The following TXNRD1 variants were observed in gnomAD, a reference collection of about 807,000 sequenced individuals.
The protein encoded by TXNRD1 is thioredoxin reductase 1.
TXNRD1 carries 57 observed loss-of-function variants against 80.3 expected under a neutral mutation model. That is an observed-to-expected ratio of 0.71 (90% CI 0.57 to 0.89). TXNRD1 has a LOEUF of 0.89. Ranked by LOEUF, TXNRD1 falls within the 40% of genes least tolerant of loss-of-function variation. The pLI, the probability that TXNRD1 is intolerant of heterozygous loss-of-function variation, is 0.00. For missense variants in TXNRD1, 730 were observed against 803.0 expected, an observed-to-expected ratio of 0.91 and a Z score of 1.10; for synonymous variants, 291 against 285.2, an observed-to-expected ratio of 1.02 and a Z score of -0.20.
chr12:104,313,426 G>A, intron 6 of TXNRD1, 109 bp downstream of exon 6: 1 of 771,020 alleles, frequency 1.3e-6, no homozygotes, highest in Non-Finnish European at 2.0e-6. Context: ...CTAAGTTAAA[G>A]AAAAAACAGC....
intron 3 of TXNRD1, chr12:104,288,706 A>G (rs1593756139): frequency 9.3e-6 from 13 of 1,395,130 alleles, no homozygotes; most frequent in Middle Eastern, 2.0e-4. Flanking sequence ...CCTTGAGGCC[A>G]TGTTTTCAGC....
chr12:104,338,697 C>CA lies in TXNRD1; in HGVS notation c.1747-428dup, dbSNP rs879386846. ...GGGCAAGAAGAGCAATACTCCATCT[C>CA]AAAAAAAAAAAAAAGTCTCTGGTCA... On this transcript the variant is annotated intron_variant, in intron 15 of 16. Transcript: ENST00000525566. Among the ~76,000 whole-genome samples the CA allele has an allele frequency of 2.2e-3, 284 of 129,766 alleles. 1 individual carries two copies. Among genetic ancestry groups the CA allele is most frequent in the South Asian group, 4.5e-3 (17 of 3,778 alleles). 85.1% of individuals were successfully genotyped at this position (129,766 alleles called of 152,430 possible). A position where few individuals can be genotyped will look rare whatever the true frequency, so the allele number is the denominator to read the frequency against.
chr12:104,333,111 C>T (rs1240472520), intron 14 of TXNRD1, among the ~76,000 whole-genome samples: 1 of 151,940 alleles, frequency 6.6e-6, no homozygotes, highest in Non-Finnish European at 1.5e-5. Flanking sequence ...GGGTGCTATA[C>T]TGTAATTTGT....
At position 104,334,256 on chromosome 12, in the gene TXNRD1, G is replaced by A; in HGVS notation, c.1670G>A (p.Trp557Ter). ...ENIEVYHSYF[W>*]PLEWTIPSRD... ...TCTTAGGTTTACCATAGTTACTTTT[G>A]GCCATTGGAATGGACGATTCCGTCA... is the stretch of plus-strand genomic sequence containing the variant. The change falls in exon 15 of 17, where the codon TGG (tryptophan) becomes TAG (stop). Residue 557 changes from tryptophan (W) to a stop codon, truncating the protein, a stop_gained. Transcript: ENST00000525566. LOFTEE classifies it high-confidence loss of function. The A allele has an allele frequency of 6.6e-7, 1 of 1,525,066 alleles. No homozygotes were observed. Among genetic ancestry groups the A allele is most frequent in the Non-Finnish European group, 8.8e-7 (1 of 1,133,336 alleles). 94.5% of individuals were successfully genotyped at this position (1,525,066 alleles called of 1,614,324 possible).
At chr12:104,302,099 A>T (rs907980847) in intron 4 of TXNRD1, among the ~76,000 whole-genome samples, 3 of 152,224 alleles carry the variant, frequency 2.0e-5, no homozygotes, top group African/African-American at 7.2e-5. Context: ...ACAATCTAAT[A>T]GGGTAGGATC....
At chr12:104,274,254 C>T (rs1160947836) in intron 3 of TXNRD1, among the ~76,000 whole-genome samples, 1 of 152,234 alleles carries the variant, frequency 6.6e-6, no homozygotes, top group Non-Finnish European at 1.5e-5. Context: ...CCTTCAGGCC[C>T]AGCTCCATGA....
rs2035517690 is a variant in TXNRD1, at chr12:104,321,208, G to A, written c.1107G>A (p.Met369Ile). Residue 369 changes from methionine (M) to isoleucine (I), a missense_variant, in exon 10 of 17, where the codon ATG becomes ATA. Met to Ile is a conservative substitution (Grantham distance 10). Transcript: ENST00000525566. ...GTATTGGTTTAGACGTCACTGTTAT[G>A]GTTAGGTCCATTCTTCTTAGAGGAT... ...LAGIGLDVTVMVRSILLRGFD... is the reference protein window; with the variant it reads ...LAGIGLDVTVIVRSILLRGFD... 1 of 1,613,628 alleles carries A rather than the reference G, an allele frequency of 6.2e-7. No homozygotes were observed. Among genetic ancestry groups the A allele is most frequent in the East Asian group, 2.2e-5 (1 of 44,890 alleles).
At position 104,348,471 on chromosome 12, in the gene TXNRD1, C is replaced by T. The variant is rs372958394; in HGVS notation, c.*50C>T. 963 of 1,593,756 alleles carry T rather than the reference C, an allele frequency of 6.0e-4. 6 individuals are homozygous for T. Among genetic ancestry groups the T allele is most frequent in the Admixed American group, 1.0e-3 (61 of 59,782 alleles). ...AGACTGCAAACCACTGGCTCGTTTC[C>T]GTGCCCAAATCCAAGGCGAAGTTTT... is the stretch of plus-strand genomic sequence containing the variant. On this transcript the variant is annotated 3_prime_UTR_variant, in exon 17 of 17. Coordinates refer to ENST00000525566, the MANE Select transcript of TXNRD1 (RefSeq NM_001093771.3).
chr12:104,281,639 C>G (rs2033881277), intron 3 of TXNRD1, among the ~76,000 whole-genome samples: 1 of 151,966 alleles, frequency 6.6e-6, no homozygotes, highest in Non-Finnish European at 1.5e-5. Context: ...ATCTCCTGAC[C>G]TCGTGATCCG....
At chr12:104,245,812 A>G (rs1338514519) in intron 1 of TXNRD1, among the ~76,000 whole-genome samples, 1 of 152,034 alleles carries the variant, frequency 6.6e-6, no homozygotes, top group Non-Finnish European at 1.5e-5. Context: ...TTTGTATGTA[A>G]GAAATGACAT....
At chr12:104,257,332 T>C (rs10861181) in intron 2 of TXNRD1, among the ~76,000 whole-genome samples, 117,969 of 150,572 alleles carry the variant, frequency 0.78, 46,584 homozygotes, top group East Asian at 0.86. Flanking sequence ...GAAATAATAC[T>C]TTAACTATTG....
At chr12:104,325,756 C>A (rs1252023858) in intron 11 of TXNRD1, among the ~76,000 whole-genome samples, 1 of 151,876 alleles carries the variant, frequency 6.6e-6, no homozygotes, top group Non-Finnish European at 1.5e-5. Flanking sequence ...CCTGTAGTCC[C>A]AGCTATTCGG....
rs756948232 is a variant in TXNRD1 at position 104,252,662 on chromosome 12, T to TATATATATATATATA, written c.243+984_243+985insATATATATATATATA. Among the ~76,000 whole-genome samples, 119 of 45,752 alleles carry TATATATATATATATA rather than the reference T, an allele frequency of 2.6e-3. 4 individuals are homozygous for TATATATATATATATA. Among genetic ancestry groups the TATATATATATATATA allele is most frequent in the African/African-American group, 5.0e-3 (59 of 11,708 alleles). 30.0% of individuals were successfully genotyped at this position (45,752 alleles called of 152,430 possible). ...CACTGAGAGGTTAATTTATTATTTT[T>TATATATATATATATA]TATATATATATATATATATATATAT... On this transcript the variant is annotated intron_variant, in intron 2 of 16. Transcript: ENST00000525566.
chr12:104,264,331 A>G (rs2033430392), intron 3 of TXNRD1, among the ~76,000 whole-genome samples: 1 of 152,232 alleles, frequency 6.6e-6, no homozygotes, highest in Non-Finnish European at 1.5e-5. Context: ...CTTAGAAAAC[A>G]TCATGGCATG....
intron 4 of TXNRD1, among the ~76,000 whole-genome samples, chr12:104,296,074 A>G (rs2034427217): frequency 6.6e-6 from 1 of 152,216 alleles, no homozygotes; most frequent in Non-Finnish European, 1.5e-5. Context: ...CCCAGATTAC[A>G]AGCTAGTTAA....
chr12:104,304,473 C>G, intron 4 of TXNRD1: 1 of 1,613,972 alleles, frequency 6.2e-7, no homozygotes. Context: ...CTAGAACGTT[C>G]TGCACCAAAG....
intron 4 of TXNRD1, chr12:104,289,512 A>G (rs35496411): frequency 0.013 from 1,928 of 154,126 alleles, 37 homozygotes; most frequent in African/African-American, 0.041. Context: ...AGCAACCAGG[A>G]AGCTCTTGGG....
chr12:104,275,818 T>C (rs2033746518), intron 3 of TXNRD1, among the ~76,000 whole-genome samples: 1 of 152,254 alleles, frequency 6.6e-6, no homozygotes, highest in Admixed American at 6.5e-5. Context: ...CATGAGGACA[T>C]AATGATTATA....
In TXNRD1 at chr12:104,215,886, T is replaced by G; in HGVS notation, c.84T>G (p.Arg28=). Residue 28 remains arginine (R), a synonymous_variant, in exon 1 of 17, where the codon CGT becomes CGG. Transcript: ENST00000525566. ...AAGGCAAGAACGGCGATGGCCGCCG[T>G]AGGTCAGGTACGACCGAGGGCGAAG... ...QTKGKNGDGR[R]RSAKDHHPGK... The G allele has an allele frequency of 6.4e-7, 1 of 1,554,922 alleles. No homozygotes were observed. Among genetic ancestry groups the G allele is most frequent in the South Asian group, 1.2e-5 (1 of 84,222 alleles).
Sources: gnomAD v4.1 joint callset for allele counts (sites outside exome capture counted in the v4.1 genomes callset) on GRCh38, gnomAD v4.1.1 for gene constraint, MANE v1.5 for transcripts, NCBI Gene and HGNC (gene_info 2026-07-23, HGNC 2026-07-21) for gene names.